MAPK14: variants seen among roughly 807,000 people sequenced by gnomAD.
MAPK14 encodes the protein CSAID-binding protein.
Under a neutral mutation model 49.6 loss-of-function variants are expected in MAPK14, and 16 were observed. The ratio of observed to expected loss-of-function variants is 0.32; its 90% CI spans 0.22 to 0.49. The LOEUF (loss-of-function observed/expected upper bound fraction) is 0.49. MAPK14 is among the 20% of genes least tolerant of loss of function. The probability of loss-of-function intolerance (pLI) is 0.99; values close to 1 mark genes in which losing one functional copy is unlikely to be tolerated. For missense variants in MAPK14, 200 were observed against 441.2 expected (o/e 0.45, Z 4.90); for synonymous variants, 142 against 158.0 (o/e 0.90, Z 0.76).
At chr6:36,066,652 A>G (rs1355456356) in intron 3 of MAPK14, among the ~76,000 whole-genome samples, 3 of 152,160 alleles carry the variant, frequency 2.0e-5, no homozygotes, top group African/African-American at 7.2e-5. Flanking sequence ...TACAGAAAAG[A>G]GATTTGTATG....
In MAPK14 at chr6:36,052,731, T is replaced by C; in HGVS notation, c.149T>C (p.Val50Ala). 1.2e-6 allele frequency: 2 copies of C among 1,612,342 alleles called. No homozygotes were observed. Among genetic ancestry groups the C allele is most frequent in the Non-Finnish European group, 1.7e-6 (2 of 1,179,254 alleles). ...TTTGACACAAAAACGGGGTTACGTG[T>C]GGCAGTGAAGAAGCTCTCCAGACCA... ...AAFDTKTGLR[V>A]AVKKLSRPFQ... Residue 50 changes from valine to alanine, a missense_variant, in exon 2 of 12, where the codon GTG becomes GCG. Coordinates refer to ENST00000229794, the MANE Select transcript of MAPK14 (RefSeq NM_139012.3).
chr6:36,072,843 A>G, intron 3 of MAPK14, 30 bp from the exon 4 acceptor site: 4 of 1,199,752 alleles, frequency 3.3e-6, no homozygotes, highest in Non-Finnish European at 4.8e-6. Flanking sequence ...GGGGTTCTAG[A>G]TTGTTATGTA....
intron 9 of MAPK14, among the ~76,000 whole-genome samples, chr6:36,098,551 CTAAT>C (rs1352851460): frequency 1.3e-5 from 2 of 152,060 alleles, no homozygotes; most frequent in African/African-American, 2.4e-5. Context: ...AATAAATAAA[CTAAT>C]TAATTAAATT....
chr6:36,042,526 T>A (rs773611223), intron 1 of MAPK14, among the ~76,000 whole-genome samples: 1 of 148,662 alleles, frequency 6.7e-6, no homozygotes, highest in Non-Finnish European at 1.5e-5. Flanking sequence ...GGTTTTGCTC[T>A]GTCACCTGGG....
intron 4 of MAPK14, 184 bp downstream of exon 4, chr6:36,073,168 G>A (rs961175523): frequency 3.4e-6 from 2 of 580,958 alleles, no homozygotes; most frequent in Non-Finnish European, 6.1e-6. Context: ...ACCGACATAT[G>A]GCCAATCATG....
In MAPK14 at chr6:36,058,882, CTT is replaced by C. The variant is rs70975128; in HGVS notation, c.247-392_247-391del. ...GTGTGTCAAGAGTGAGATCCTGACT[CTT>C]TTTTTTTTTTTTTTGAGACAGAGTC... On this transcript the variant is annotated intron_variant, in intron 2 of 11. Transcript: ENST00000229794. Among the ~76,000 whole-genome samples the C allele has an allele frequency of 2.4e-3, 311 of 128,340 alleles. 1 individual carries two copies. Among genetic ancestry groups the C allele is most frequent in the Middle Eastern group, 0.012 (3 of 248 alleles). The allele number at this position is 128,340 out of a possible 152,430, so 84.2% of individuals were successfully genotyped here.
chr6:36,043,725 G>C (rs1203717936), intron 1 of MAPK14, among the ~76,000 whole-genome samples: 3 of 150,628 alleles, frequency 2.0e-5, no homozygotes, highest in African/African-American at 7.3e-5. Context: ...GCCTGAAATT[G>C]TATGATCCGG....
chr6:36,102,736 C>A, intron 10 of MAPK14, 87 bp downstream of exon 10: 4 of 1,590,550 alleles, frequency 2.5e-6, no homozygotes, highest in Non-Finnish European at 3.4e-6. Context: ...CTCCTTTTGA[C>A]CAAATAAAGT....
chr6:36,036,972 C>T (rs1372047946), intron 1 of MAPK14, among the ~76,000 whole-genome samples: 1 of 152,110 alleles, frequency 6.6e-6, no homozygotes, highest in Non-Finnish European at 1.5e-5. Flanking sequence ...AACTCTTGAC[C>T]TCAAGCGATC....
In MAPK14 at chr6:36,073,709, A is replaced by G. The variant is rs1200419654; in HGVS notation, c.436A>G (p.Ile146Val). The G allele has an allele frequency of 1.9e-6, 3 of 1,613,026 alleles. No homozygotes were observed. Among genetic ancestry groups the G allele is most frequent in the Non-Finnish European group, 2.5e-6 (3 of 1,179,568 alleles). Residue 146 changes from isoleucine (I) to valine (V), a missense_variant, in exon 5 of 12, where the codon ATA becomes GTA. Transcript: ENST00000229794. ...TTTGCAGTATATACATTCAGCTGAC[A>G]TAATTCACAGGGTATGTATTGTGAC... ...RGLKYIHSAD[I>V]IHRDLKPSNL... is the part of the protein sequence containing the mutation.
chr6:36,093,720 C>CAAAAAAAAAA (rs11343231), intron 8 of MAPK14, among the ~76,000 whole-genome samples: 1 of 83,116 alleles, frequency 1.2e-5, no homozygotes, highest in Non-Finnish European at 2.3e-5. Context: ...GACTCCGTCT[C>CAAAAAAAAAA]AAAAAAAAAA....
At position 36,110,804 on chromosome 6, in the gene MAPK14, A is replaced by G. The variant is rs1482211143; in HGVS notation, c.*2357A>G. ...TATATTTTTCTCTTGTTTTTATTTAATGCACAATATGGCATTATATCAATA... is the reference window on the plus strand; with the variant it reads ...TATATTTTTCTCTTGTTTTTATTTAGTGCACAATATGGCATTATATCAATA... On this transcript the variant is annotated 3_prime_UTR_variant, in exon 12 of 12. Coordinates refer to ENST00000229794, the MANE Select transcript of MAPK14 (RefSeq NM_139012.3). The G allele has an allele frequency of 6.6e-6, 1 of 152,210 alleles. No individual in the cohort carries two copies. The highest frequency in any genetic ancestry group is 1.5e-5 in the Non-Finnish European group (1 of 68,042). 9.4% of individuals were successfully genotyped at this position (152,210 alleles called of 1,614,324 possible). A position where few individuals can be genotyped will look rare whatever the true frequency, so the allele number is the denominator to read the frequency against.
intron 6 of MAPK14, among the ~76,000 whole-genome samples, chr6:36,075,211 G>T (rs956628141): frequency 2.6e-5 from 3 of 117,228 alleles, no homozygotes; most frequent in African/African-American, 1.0e-4. Flanking sequence ...GGGCAACAGA[G>T]CAAGACTCCG....
intron 5 of MAPK14, 89 bp from the exon 6 acceptor site, chr6:36,073,960 T>C (rs1440255807): frequency 9.6e-7 from 1 of 1,044,454 alleles, no homozygotes; most frequent in Non-Finnish European, 1.5e-6. Context: ...ATGAAGTCTT[T>C]TATGTCTGGA....
chr6:36,059,170 G>T, intron 2 of MAPK14, 119 bp from the exon 3 acceptor site: 1 of 602,884 alleles, frequency 1.7e-6, no homozygotes, highest in South Asian at 2.3e-5. Flanking sequence ...GATTACAGGC[G>T]TGAGCCACTG....
chr6:36,119,544 C>T, the MAPK14 span, among the ~76,000 whole-genome samples: 4 of 152,282 alleles, frequency 2.6e-5, no homozygotes, highest in East Asian at 7.7e-4. Flanking sequence ...AGGAAATAAA[C>T]TGCAGTATGT....
Position 36,110,049 on chromosome 6 carries a change from A to G in MAPK14, c.*1602A>G, listed in dbSNP as rs1385179695. On this transcript the variant is annotated 3_prime_UTR_variant, in exon 12 of 12. Transcript: ENST00000229794. ...TTTGTATTTTCAACTTTATAAAGAT[A>G]AAATATCCTCAGGGGTGGAGAAGTG... is the stretch of plus-strand genomic sequence containing the variant. The G allele has an allele frequency of 6.6e-6, 1 of 152,264 alleles. No homozygotes were observed. The highest frequency in any genetic ancestry group is 1.5e-5 in the Non-Finnish European group (1 of 68,038). The allele number at this position is 152,264 out of a possible 1,614,324, so 9.4% of individuals were successfully genotyped here.
chr6:36,092,765 T>G (rs1765288070), intron 8 of MAPK14: 1 of 253,604 alleles, frequency 3.9e-6, no homozygotes, highest in African/African-American at 2.3e-5. Context: ...TACGCCGGTG[T>G]CACGACTCAA....
intron 1 of MAPK14, among the ~76,000 whole-genome samples, chr6:36,031,862 T>C (rs1311890028): frequency 6.6e-6 from 1 of 152,224 alleles, no homozygotes; most frequent in Non-Finnish European, 1.5e-5. Context: ...GTTATAACTA[T>C]AAAGTAACAA....
Sources: gnomAD v4.1 joint callset for allele counts (sites outside exome capture counted in the v4.1 genomes callset) on GRCh38, gnomAD v4.1.1 for gene constraint, MANE v1.5 for transcripts, NCBI Gene and HGNC (gene_info 2026-07-23, HGNC 2026-07-21) for gene names.